RIMS3: variants seen among roughly 807,000 people sequenced by gnomAD.
RIMS3 encodes the protein regulating synaptic membrane exocytosis protein 3.
Under a neutral mutation model 29.2 loss-of-function variants are expected in RIMS3, and 15 were observed. The observed-to-expected ratio is 0.51, with a 90% CI of 0.34 to 0.79. The LOEUF (loss-of-function observed/expected upper bound fraction) is 0.79. RIMS3 is among the 30% of genes least tolerant of loss of function. The probability of loss-of-function intolerance (pLI) is 0.01; values close to 1 mark genes in which losing one functional copy is unlikely to be tolerated. For missense variants in RIMS3, 342 were observed against 421.4 expected, an observed-to-expected ratio of 0.81 and a Z score of 1.65; for synonymous variants, 161 against 170.1, an observed-to-expected ratio of 0.95 and a Z score of 0.41.
intron 4 of RIMS3, among the ~76,000 whole-genome samples, chr1:40,634,471 G>A (rs1488267796): frequency 6.6e-6 from 1 of 152,216 alleles, no homozygotes; most frequent in African/African-American, 2.4e-5. Flanking sequence ...GCTGGATATA[G>A]TGTGGAGATT....
chr1:40,662,418 C>T (rs1359644158), intron 1 of RIMS3, among the ~76,000 whole-genome samples: 1 of 118,188 alleles, frequency 8.5e-6, no homozygotes, highest in Non-Finnish European at 1.8e-5. Context: ...GTTCCAGAGC[C>T]CAAGTCCCTC....
At chr1:40,647,025 C>T (rs574569901) in intron 2 of RIMS3, among the ~76,000 whole-genome samples, 5 of 152,134 alleles carry the variant, frequency 3.3e-5, no homozygotes, top group South Asian at 2.1e-4. Flanking sequence ...GGACTACAGG[C>T]GCCCACTACC....
At chr1:40,664,790 A>G (rs909031746) in intron 1 of RIMS3, among the ~76,000 whole-genome samples, 1 of 152,034 alleles carries the variant, frequency 6.6e-6, no homozygotes, top group African/African-American at 2.4e-5. Context: ...TATGAATGAG[A>G]GCATGCCCAA....
chr1:40,643,781 A>G (rs901828689), intron 2 of RIMS3, among the ~76,000 whole-genome samples: 2 of 152,094 alleles, frequency 1.3e-5, no homozygotes, highest in Admixed American at 6.6e-5. Flanking sequence ...GCCCAGCCTA[A>G]GCATCTTTCT....
intron 3 of RIMS3, among the ~76,000 whole-genome samples, chr1:40,639,320 T>A (rs895372197): frequency 2.6e-5 from 4 of 152,170 alleles, no homozygotes; most frequent in Non-Finnish European, 4.4e-5. Context: ...TGGCACCAGA[T>A]GCTCCCACCC....
intron 2 of RIMS3, among the ~76,000 whole-genome samples, chr1:40,647,297 A>C (rs1646602283): frequency 6.6e-6 from 1 of 152,042 alleles, no homozygotes; most frequent in Non-Finnish European, 1.5e-5. Flanking sequence ...GTTAGGCTGG[A>C]AGGGACTGCA....
At chr1:40,627,524 G>A (rs771096127) in intron 7 of RIMS3, among the ~76,000 whole-genome samples, 2 of 152,150 alleles carry the variant, frequency 1.3e-5, no homozygotes, top group Non-Finnish European at 2.9e-5. Flanking sequence ...CACTGTGCCC[G>A]GCCGTTATTC....
At chr1:40,649,781 G>A (rs1371425095) in intron 1 of RIMS3, among the ~76,000 whole-genome samples, 3 of 152,120 alleles carry the variant, frequency 2.0e-5, no homozygotes, top group African/African-American at 7.2e-5. Flanking sequence ...ACCCAGCCTG[G>A]CCCACTCAGC....
Position 40,636,402 on chromosome 1 carries a change from C to T in RIMS3, c.218-345G>A, listed in dbSNP as rs1363482294. ...CGCCCACCTTCCCACTCGATTTCAG[C>T]CCTTGCCCCAAAGGTTAAGTGTGCC... On this transcript the variant is annotated intron_variant, in intron 3 of 7. Coordinates refer to ENST00000372684, the MANE Select transcript of RIMS3 (RefSeq NM_014747.3). This position sits in a 1 kb window ranked among gnomAD's most constrained non-coding sequence, Gnocchi z 4.2. Among the ~76,000 whole-genome samples the T allele has an allele frequency of 1.3e-5, 2 of 152,216 alleles. No individual in the cohort carries two copies. The highest frequency in any genetic ancestry group is 2.9e-5 in the Non-Finnish European group (2 of 68,034).
chr1:40,689,458 T>A, the RIMS3 span, among the ~76,000 whole-genome samples: 1 of 152,138 alleles, frequency 6.6e-6, no homozygotes, highest in Non-Finnish European at 1.5e-5. Context: ...ATTTTTTTAT[T>A]TTTAGTAGAG....
chr1:40,682,244 T>TTA, the RIMS3 span, among the ~76,000 whole-genome samples: 1 of 152,232 alleles, frequency 6.6e-6, no homozygotes, highest in Non-Finnish European at 1.5e-5. Context: ...GTTGTTTAGG[T>TTA]ACCTATTGTT....
the RIMS3 span, among the ~76,000 whole-genome samples, chr1:40,676,085 A>G: frequency 6.6e-6 from 1 of 152,146 alleles, no homozygotes; most frequent in South Asian, 2.1e-4. Context: ...AAGATAGAGA[A>G]TAAATAGACC....
At chr1:40,666,064 G>A (rs1252505753), upstream of RIMS3, among the ~76,000 whole-genome samples, 1 of 152,232 alleles carries the variant, frequency 6.6e-6, no homozygotes, top group Non-Finnish European at 1.5e-5. Context: ...GGTAAGAGAA[G>A]AAACGACTTA....
At position 40,635,818 on chromosome 1, in the gene RIMS3, TG is replaced by T; in HGVS notation, c.359+97del. 6.6e-7 allele frequency: 1 copy of T among 1,506,900 alleles called. No homozygotes were observed. The highest frequency in any genetic ancestry group is 9.0e-7 in the Non-Finnish European group (1 of 1,108,512). The allele number at this position is 1,506,900 out of a possible 1,614,324, so 93.3% of individuals were successfully genotyped here. The stretch of plus-strand genomic sequence containing the variant: ...ACACAGAGGACCCAGACATTTTAGC[TG>T]GAAACAAAACAGGGAGGCTTTCCCA... On this transcript the variant is annotated intron_variant, in intron 4 of 7. Coordinates refer to ENST00000372684, the MANE Select transcript of RIMS3 (RefSeq NM_014747.3). This position sits in a 1 kb window ranked among gnomAD's most constrained non-coding sequence, Gnocchi z 4.1.
Position 40,644,324 on chromosome 1 carries a change from A to G in RIMS3, c.-31-2368T>C, listed in dbSNP as rs1055195402. ...TGCCAGGGTCATAAATGTCTTTTGG[A>G]TTCTTAGAATCTATTGTCAAATTCC... On this transcript the variant is annotated intron_variant, in intron 2 of 7. Transcript: ENST00000372684. 4.6e-5 allele frequency among the ~76,000 whole-genome samples: 7 copies of G among 152,328 alleles called. 1 individual carries two copies. In the South Asian group the frequency reaches 1.4e-3, roughly 32 times the overall value.
intron 2 of RIMS3, among the ~76,000 whole-genome samples, chr1:40,645,576 G>A (rs1260412298): frequency 6.6e-6 from 1 of 152,132 alleles, no homozygotes; most frequent in Non-Finnish European, 1.5e-5. Context: ...GTCTATATGA[G>A]AAAAGCCCCT....
chr1:40,671,867 A>G, the RIMS3 span, among the ~76,000 whole-genome samples: 1 of 147,768 alleles, frequency 6.8e-6, no homozygotes, highest in Non-Finnish European at 1.5e-5. Flanking sequence ...GGTTCAAGGG[A>G]TTCTCCTACC....
chr1:40,680,216 G>A, the RIMS3 span, among the ~76,000 whole-genome samples: 1 of 151,588 alleles, frequency 6.6e-6, no homozygotes, highest in Admixed American at 6.6e-5. Context: ...AACCATGCGA[G>A]ACCAATTTAC....
rs148645239 is a variant in RIMS3 at position 40,628,477 on chromosome 1, G to A, written c.714+333C>T. Among the ~76,000 whole-genome samples the A allele has an allele frequency of 1.4e-4, 21 of 152,344 alleles. No homozygotes were observed. In the East Asian group the frequency reaches 1.5e-3, roughly 11 times the overall value. ...ATCATCTGCAGGATGAAATGAGGTC[G>A]TGTTTGGAAAGCACCTAACACAAGG... On this transcript the variant is annotated intron_variant, in intron 7 of 7. Transcript: ENST00000372684.
Sources: allele counts gnomAD v4.1 joint callset (sites outside exome capture counted in the v4.1 genomes callset), GRCh38; gene constraint gnomAD v4.1.1; non-coding constraint Gnocchi (gnomAD v3.1); transcripts MANE v1.5; gene names NCBI Gene and HGNC (gene_info 2026-07-23, HGNC 2026-07-21).